The following WDR72 variants were observed in gnomAD, a reference collection of about 807,000 sequenced individuals.
The protein encoded by WDR72 is WD repeat domain 72.
In WDR72, 120 loss-of-function variants were observed where a neutral mutation model predicts 124.2. That is an observed-to-expected ratio of 0.97 (90% CI 0.83 to 1.12). The LOEUF is 1.12. Ranked by LOEUF, WDR72 falls within the 50% of genes most tolerant of loss-of-function variation. WDR72 has a pLI of 0.00. For synonymous variants in WDR72, 452 were observed against 441.7 expected (o/e 1.02, Z -0.29); for missense variants, 1,387 against 1,278.8 (o/e 1.08, Z -1.29).
At chr15:53,643,781 T>C (rs2014941881) in intron 14 of WDR72, among the ~76,000 whole-genome samples, 1 of 151,960 alleles carries the variant, frequency 6.6e-6, no homozygotes, top group African/African-American at 2.4e-5. Flanking sequence ...ATAACACACT[T>C]TTCAACAACT....
chr15:53,664,993 CAGATT>C (rs2015728564), intron 14 of WDR72, among the ~76,000 whole-genome samples: 1 of 151,978 alleles, frequency 6.6e-6, no homozygotes, highest in Admixed American at 6.6e-5. Flanking sequence ...TTTAAGAAAT[CAGATT>C]AAATTACTAT....
At chr15:53,678,768 T>A (rs749838741) in intron 13 of WDR72, among the ~76,000 whole-genome samples, 2 of 152,194 alleles carry the variant, frequency 1.3e-5, no homozygotes, top group Non-Finnish European at 2.9e-5. Context: ...TCATAATGTA[T>A]AGATCATGGT....
At chr15:53,591,696 ACACACACACACACAC>A (rs2012511239) in intron 18 of WDR72, among the ~76,000 whole-genome samples, 1 of 9,062 alleles carries the variant, frequency 1.1e-4, no homozygotes. Context: ...ACACACACAC[ACACACACACACACAC>A]ACACACACAC....
intron 12 of WDR72, among the ~76,000 whole-genome samples, chr15:53,701,848 G>C (rs1206104011): frequency 1.3e-5 from 2 of 152,034 alleles, no homozygotes; most frequent in Non-Finnish European, 2.9e-5. Context: ...GAAAAAAATA[G>C]ATGTAAGTAC....
chr15:53,671,582 G>A (rs1053910432), intron 13 of WDR72, among the ~76,000 whole-genome samples: 2 of 152,136 alleles, frequency 1.3e-5, no homozygotes, highest in Non-Finnish European at 2.9e-5. Context: ...TGGCTATAAA[G>A]CATCAGAGCA....
At chr15:53,715,862 C>A (rs1269072819) in intron 4 of WDR72, among the ~76,000 whole-genome samples, 1 of 152,126 alleles carries the variant, frequency 6.6e-6, no homozygotes, top group African/African-American at 2.4e-5. Context: ...GGTTCCTTGC[C>A]ATAGCAACAA....
chr15:53,699,939 C>T lies in WDR72; in HGVS notation c.1576G>A (p.Gly526Ser), dbSNP rs1474301134. The T allele has an allele frequency of 4.3e-6, 7 of 1,614,138 alleles. No homozygotes were observed. Among genetic ancestry groups the T allele is most frequent in the Non-Finnish European group, 5.9e-6 (7 of 1,180,038 alleles). Reference sequence around the variant, plus strand: ...CACACACAGCAAATTATCTGCTCACCCCTTAGCTGTGAAAAAACAACATGC... The same window carrying T: ...CACACACAGCAAATTATCTGCTCACTCCTTAGCTGTGAAAAAACAACATGC... The part of the protein sequence containing the change: ...LMSPEKFKLR[G>S]EQIICCVCGD... Residue 526 changes from glycine (G) to serine (S), a missense_variant, in exon 13 of 20, where the codon GGT becomes AGT. By Grantham distance (56) the Gly-to-Ser change is moderately conservative (BLOSUM62 0). Transcript: ENST00000360509.
At chr15:53,737,554 TG>T (rs1157026353) in intron 1 of WDR72, among the ~76,000 whole-genome samples, 2 of 152,110 alleles carry the variant, frequency 1.3e-5, no homozygotes, top group Non-Finnish European at 2.9e-5. Flanking sequence ...AAACCACTGT[TG>T]GGGGAGGTGG....
intron 18 of WDR72, among the ~76,000 whole-genome samples, chr15:53,529,164 A>ATATATATATATATTTTTTTTT (rs59003623): frequency 2.7e-4 from 21 of 78,140 alleles, no homozygotes; most frequent in African/African-American, 1.0e-3. Flanking sequence ...ATATATATAT[A>ATATATATATATATTTTTTTTT]TTTTTTTTTT....
At chr15:53,665,091 A>T (rs976296395) in intron 14 of WDR72, among the ~76,000 whole-genome samples, 3 of 152,000 alleles carry the variant, frequency 2.0e-5, no homozygotes, top group African/African-American at 7.2e-5. Context: ...ATAAATGCCA[A>T]CTCCATCACT....
At chr15:53,581,698 T>A (rs1421865811) in intron 18 of WDR72, among the ~76,000 whole-genome samples, 1 of 152,030 alleles carries the variant, frequency 6.6e-6, no homozygotes, top group African/African-American at 2.4e-5. Flanking sequence ...GCAGAAATTA[T>A]TTTGAAATAC....
At chr15:53,653,647 T>G (rs1450050604) in intron 14 of WDR72, among the ~76,000 whole-genome samples, 1 of 152,206 alleles carries the variant, frequency 6.6e-6, no homozygotes, top group Non-Finnish European at 1.5e-5. Context: ...CAACTCAGAT[T>G]AATAATAATG....
At chr15:53,666,147 T>C (rs1482966200) in intron 13 of WDR72, among the ~76,000 whole-genome samples, 1 of 152,172 alleles carries the variant, frequency 6.6e-6, no homozygotes, top group Admixed American at 6.5e-5. Flanking sequence ...GAACCCACAG[T>C]GCTTTGCCTG....
chr15:53,742,293 GA>G (rs1567059817), intron 1 of WDR72, among the ~76,000 whole-genome samples: 2 of 151,934 alleles, frequency 1.3e-5, no homozygotes, highest in Non-Finnish European at 2.9e-5. Flanking sequence ...AACCTCAAAG[GA>G]AAAAACCATT....
intron 1 of WDR72, among the ~76,000 whole-genome samples, chr15:53,743,512 G>A (rs574812220): frequency 6.6e-6 from 1 of 152,084 alleles, no homozygotes; most frequent in Non-Finnish European, 1.5e-5. Context: ...TTCTAAATAA[G>A]AGATGTTTCA....
intron 18 of WDR72, among the ~76,000 whole-genome samples, chr15:53,571,710 C>T (rs1275156198): frequency 4.6e-5 from 7 of 151,880 alleles, no homozygotes; most frequent in Admixed American, 6.6e-5. Context: ...ATGTTGATTT[C>T]ATTTCCTTGG....
intron 18 of WDR72, among the ~76,000 whole-genome samples, chr15:53,572,072 CTT>C (rs1176840484): frequency 6.6e-6 from 1 of 151,870 alleles, no homozygotes; most frequent in East Asian, 1.9e-4. Context: ...TATTTGTTCT[CTT>C]GTTATTGAGT....
chr15:53,624,122 T>C (rs1405425729), intron 14 of WDR72, among the ~76,000 whole-genome samples: 1 of 152,132 alleles, frequency 6.6e-6, no homozygotes, highest in African/African-American at 2.4e-5. Context: ...TCTGAAGTGA[T>C]GGCTAGAAGA....
intron 1 of WDR72, among the ~76,000 whole-genome samples, chr15:53,742,505 G>C (rs1047892616): frequency 4.6e-5 from 7 of 151,792 alleles, no homozygotes; most frequent in African/African-American, 1.7e-4. Flanking sequence ...TGATATTTTG[G>C]GTGTCTAAAG....
Sources: allele counts gnomAD v4.1 joint callset (sites outside exome capture counted in the v4.1 genomes callset), GRCh38; gene constraint gnomAD v4.1.1; transcripts MANE v1.5; gene names NCBI Gene and HGNC (gene_info 2026-07-23, HGNC 2026-07-21).